Variants in CLCA1 observed in about 807,000 individuals in gnomAD.
CLCA1 encodes chloride channel accessory 1.
In CLCA1, 59 loss-of-function variants were observed where a neutral mutation model predicts 85.6. The ratio of observed to expected loss-of-function variants is 0.69; its 90% CI spans 0.56 to 0.86. The LOEUF (loss-of-function observed/expected upper bound fraction) is 0.86. Among genes scored for constraint, CLCA1 ranks in the 40% least tolerant of loss-of-function variants. The pLI is 0.00. For missense variants in CLCA1, 1,022 were observed against 1,101.4 expected, an observed-to-expected ratio of 0.93 and a Z score of 1.02; for synonymous variants, 396 against 398.3, an observed-to-expected ratio of 0.99 and a Z score of 0.07.
In CLCA1 at chr1:86,487,099, C is replaced by T. The variant is rs949563602; in HGVS notation, c.1182+346C>T. Among the ~76,000 whole-genome samples the T allele has an allele frequency of 2.0e-5, 3 of 152,204 alleles. No homozygotes were observed. In the South Asian group the frequency reaches 6.2e-4, roughly 31 times the overall value. On this transcript the variant is annotated intron_variant, in intron 7 of 13. Transcript: ENST00000394711. ...GGCCTGATGTGGACAATGGGCTTGA[C>T]CATTTCCTCAAGTGCTTTCTGTCTC...
intron 8 of CLCA1, among the ~76,000 whole-genome samples, 177 bp downstream of exon 8, chr1:86,489,347 G>A (rs1648075615): frequency 6.6e-6 from 1 of 152,144 alleles, no homozygotes; most frequent in African/African-American, 2.4e-5. Context: ...TTATTTTAAA[G>A]CTTTGTGTCT....
In CLCA1 at chr1:86,500,135, G is replaced by T. The variant is rs553171248; in HGVS notation, c.*90G>T. On this transcript the variant is annotated 3_prime_UTR_variant, in exon 14 of 14. Coordinates refer to ENST00000394711, the MANE Select transcript of CLCA1 (RefSeq NM_001285.4). ...TAAAATGTATTTTAGACTTCCTGTA[G>T]GGGGCGATATACTAAATGTATATAG... 8.8e-5 allele frequency: 68 copies of T among 769,686 alleles called. No homozygotes were observed. Among genetic ancestry groups the T allele is most frequent in the Non-Finnish European group, 1.4e-4 (66 of 474,480 alleles). 47.7% of individuals were successfully genotyped at this position (769,686 alleles called of 1,614,324 possible). A position where few individuals can be genotyped will look rare whatever the true frequency, so the allele number is the denominator to read the frequency against.
In CLCA1 at chr1:86,491,324, G is replaced by A. The variant is rs1177384606; in HGVS notation, c.1417G>A (p.Gly473Arg). Reference protein sequence around the residue: ...VQNNGLIDAFGALSSGNGAVS... With the variant: ...VQNNGLIDAFRALSSGNGAVS... ...GAACAATGGCCTCATTGATGCTTTTGGGGCCCTTTCATCAGGAAATGGAGC... is the reference window on the plus strand; with the variant it reads ...GAACAATGGCCTCATTGATGCTTTTAGGGCCCTTTCATCAGGAAATGGAGC... Residue 473 changes from glycine (G) to arginine (R), a missense_variant, in exon 9 of 14, where the codon GGG (glycine) becomes AGG (arginine). Transcript: ENST00000394711. 1.9e-6 allele frequency: 3 copies of A among 1,613,496 alleles called. No individual in the cohort carries two copies. In the Admixed American group the frequency reaches 5.0e-5, roughly 27 times the overall value.
rs1647551702 is a variant in CLCA1 at position 86,473,343 on chromosome 1, G to A, written c.163-74G>A. 36 of 1,095,336 alleles carry A rather than the reference G, an allele frequency of 3.3e-5. No individual in the cohort carries two copies. The South Asian group carries it at 6.7e-4, about 20-fold the overall frequency. The allele number at this position is 1,095,336 out of a possible 1,614,324, so 67.9% of individuals were successfully genotyped here. ...CAAGTTTTTGAAAATGTGAAATCCA[G>A]ATGTGAATTTGAATGACTGATAATT... On this transcript the variant is annotated intron_variant, in intron 1 of 13. Coordinates refer to ENST00000394711, the MANE Select transcript of CLCA1 (RefSeq NM_001285.4).
intron 13 of CLCA1, 55 bp downstream of exon 13, chr1:86,498,866 G>C (rs1361807455): frequency 6.4e-6 from 10 of 1,565,220 alleles, no homozygotes; most frequent in African/African-American, 1.4e-5. Flanking sequence ...AAGTAGAAGA[G>C]CAGAAGCGGG....
At chr1:86,484,007 A>G (rs1450856035) in intron 5 of CLCA1, among the ~76,000 whole-genome samples, 2 of 152,162 alleles carry the variant, frequency 1.3e-5, no homozygotes, top group African/African-American at 4.8e-5. Context: ...ATGCAAGGGA[A>G]ATTGCCGCTT....
rs1454027865 is a variant in CLCA1, at chr1:86,493,548, A to G, written c.1629A>G (p.Val543=). ...DPSGQKQGGF[V]VDKNTKMAYL... ...GTGGACAGAAGCAAGGTGGCTTTGT[A>G]GTGGACAAAAACACCAAAATGGCCT... The change falls in exon 10 of 14, where the codon GTA becomes GTG. Residue 543 remains valine, a synonymous_variant. Coordinates refer to ENST00000394711, the MANE Select transcript of CLCA1 (RefSeq NM_001285.4). 1 of 1,614,168 alleles carries G rather than the reference A, an allele frequency of 6.2e-7. No individual in the cohort carries two copies. The highest frequency in any genetic ancestry group is 2.2e-5 in the East Asian group (1 of 44,882).
Position 86,495,505 on chromosome 1 carries a change from G to T in CLCA1, c.1943G>T (p.Gly648Val). ...ATTAATTCCTTCATTCTTTATCAAG[G>T]TGCTGATGCTACTAAGGATGACGGT... The part of the protein sequence containing the change: ...VTLELLDNGA[G>V]ADATKDDGVY... The change falls in exon 12 of 14, where the codon GGT becomes GTT. Residue 648 changes from glycine (G) to valine (V), a missense_variant and splice_region_variant. Transcript: ENST00000394711. The T allele has an allele frequency of 6.2e-7, 1 of 1,608,992 alleles. No homozygotes were observed. Among genetic ancestry groups the T allele is most frequent in the Non-Finnish European group, 8.5e-7 (1 of 1,175,964 alleles).
intron 6 of CLCA1, among the ~76,000 whole-genome samples, chr1:86,486,017 G>GGAGA (rs35497869): frequency 1.1e-3 from 160 of 147,142 alleles, no homozygotes; most frequent in African/African-American, 1.4e-3. Flanking sequence ...CATGGCAGCA[G>GGAGA]GAGAGAGAGA....
chr1:86,473,968 T>A, intron 3 of CLCA1, 92 bp downstream of exon 3: 1 of 868,576 alleles, frequency 1.2e-6, no homozygotes, highest in Non-Finnish European at 1.7e-6. Flanking sequence ...AGTAAGCATG[T>A]ATAAGCCAAA....
At chr1:86,495,797 T>C (rs55902541) in intron 12 of CLCA1, 122 bp downstream of exon 12, 15,745 of 939,364 alleles carry the variant, frequency 0.017, 191 homozygotes, top group Non-Finnish European at 0.022. Context: ...TTGGCATTAT[T>C]AAGATTTTGA....
rs1481820555 is a variant in CLCA1 at position 86,474,398 on chromosome 1, C to CA, written c.451+528dup. On this transcript the variant is annotated intron_variant, in intron 3 of 13. Coordinates refer to ENST00000394711, the MANE Select transcript of CLCA1 (RefSeq NM_001285.4). ...TGAAACCCCGTCTCTACTAAAAATACAAAAAATTAGCCGGGCGTGGTGGCG... is the reference window on the plus strand; with the variant it reads ...TGAAACCCCGTCTCTACTAAAAATACAAAAAAATTAGCCGGGCGTGGTGGCG... Among the ~76,000 whole-genome samples the CA allele has an allele frequency of 3.9e-5, 6 of 152,100 alleles. No homozygotes were observed. The East Asian group carries it at 7.7e-4, about 20-fold the overall frequency.
chr1:86,474,811 C>CAT (rs894737645), intron 3 of CLCA1, among the ~76,000 whole-genome samples: 1 of 152,036 alleles, frequency 6.6e-6, no homozygotes, highest in Non-Finnish European at 1.5e-5. Context: ...CAAGTAATGA[C>CAT]ATATATATAA....
rs1466082483 is a variant in CLCA1 at position 86,482,343 on chromosome 1, G to A, written c.696G>A (p.Thr232=). 20 of 1,613,972 alleles carry A rather than the reference G, an allele frequency of 1.2e-5. No homozygotes were observed. The highest frequency in any genetic ancestry group is 6.7e-5 in the Admixed American group (4 of 59,990). ...GCEFVLQSRQ[T]EKASIMFAQH... ...AGTTTGTTCTCCAATCCCGCCAGAC[G>A]GAGAAGGCTTCTATAATGTTTGCAC... Residue 232 remains threonine (T), a synonymous_variant, in exon 5 of 14, where the codon ACG becomes ACA. Transcript: ENST00000394711.
intron 12 of CLCA1, among the ~76,000 whole-genome samples, chr1:86,497,142 T>C (rs1163635938): frequency 6.6e-6 from 1 of 152,224 alleles, no homozygotes; most frequent in Admixed American, 6.5e-5. Flanking sequence ...CTTGTAAGTA[T>C]CCCTTTTTAA....
chr1:86,469,029 C>T lies in CLCA1; in HGVS notation c.58C>T (p.Leu20=), dbSNP rs1419656817. ...ILILHLLEGA[L]SNSLIQLNNN... ...GATTCTTCACCTTCTAGAAGGGGCC[C>T]TGAGTAATTCACTCATTCAGCTGAA... The change falls in exon 1 of 14, where the codon CTG becomes TTG. Residue 20 remains leucine (L), a synonymous_variant. Transcript: ENST00000394711. 3 of 1,613,244 alleles carry T rather than the reference C, an allele frequency of 1.9e-6. No individual in the cohort carries two copies. In the South Asian group the frequency reaches 3.3e-5, roughly 18 times the overall value.
chr1:86,473,584 A>T, intron 2 of CLCA1, 27 bp downstream of exon 2: 1 of 1,563,794 alleles, frequency 6.4e-7, no homozygotes, highest in Non-Finnish European at 8.7e-7. Flanking sequence ...CTTCTTTAAA[A>T]TTCCACTTTC....
chr1:86,500,025 C>T lies in CLCA1; in HGVS notation c.2725C>T (p.Leu909=). ...AATTATGTGGAAGTGGATAGGAGAA[C>T]TGCAGCTGTCAATAGCCTAGGGCTG... ...LKIMWKWIGE[L]QLSIA Residue 909 remains leucine (L), a synonymous_variant, in exon 14 of 14, where the codon CTG becomes TTG. Coordinates refer to ENST00000394711, the MANE Select transcript of CLCA1 (RefSeq NM_001285.4). The T allele has an allele frequency of 1.2e-6, 2 of 1,609,896 alleles. No homozygotes were observed. The highest frequency in any genetic ancestry group is 1.7e-6 in the Non-Finnish European group (2 of 1,176,358).
Position 86,500,019 on chromosome 1 carries a change from G to A in CLCA1, c.2719G>A (p.Gly907Arg), listed in dbSNP as rs1272516069. 6 of 1,611,496 alleles carry A rather than the reference G, an allele frequency of 3.7e-6. No homozygotes were observed. The South Asian group carries it at 4.4e-5, about 12-fold the overall frequency. Residue 907 changes from glycine (G) to arginine (R), a missense_variant, in exon 14 of 14, where the codon GGA (glycine) becomes AGA (arginine). Coordinates refer to ENST00000394711, the MANE Select transcript of CLCA1 (RefSeq NM_001285.4). ...HILKIMWKWI[G>R]ELQLSIA ...TTTAAAAATTATGTGGAAGTGGATA[G>A]GAGAACTGCAGCTGTCAATAGCCTA...
Sources: gnomAD v4.1 joint callset for allele counts (sites outside exome capture counted in the v4.1 genomes callset) on GRCh38, gnomAD v4.1.1 for gene constraint, MANE v1.5 for transcripts, NCBI Gene and HGNC (gene_info 2026-07-23, HGNC 2026-07-21) for gene names.